The following HCFC2 variants were observed in gnomAD, a reference collection of about 807,000 sequenced individuals.
The protein encoded by HCFC2 is host cell factor C2.
HCFC2 carries 18 observed loss-of-function variants against 89.2 expected under a neutral mutation model. That is an observed-to-expected ratio of 0.20 (90% CI 0.14 to 0.30). The LOEUF is 0.30. Among genes scored for constraint, HCFC2 ranks in the 10% least tolerant of loss-of-function variants. The pLI is 1.00. For synonymous variants in HCFC2, 308 were observed against 335.7 expected (o/e 0.92, Z 0.90); for missense variants, 578 against 956.1 (o/e 0.60, Z 5.21).
chr12:104,096,325 T>A (rs775257384), intron 11 of HCFC2, 35 bp from the exon 12 acceptor site: 16 of 1,427,580 alleles, frequency 1.1e-5, no homozygotes, highest in Non-Finnish European at 1.5e-5. Flanking sequence ...TGATAAGTTA[T>A]GTAAATCTTA....
chr12:104,087,409 ACG>A (rs1491252288), intron 8 of HCFC2, among the ~76,000 whole-genome samples: 13 of 52,226 alleles, frequency 2.5e-4, no homozygotes, highest in South Asian at 9.7e-4. Flanking sequence ...ATACTGCAGT[ACG>A]TGTGTGTGTG....
chr12:104,073,809 CT>C (rs1168926715), intron 3 of HCFC2, among the ~76,000 whole-genome samples: 2 of 152,328 alleles, frequency 1.3e-5, no homozygotes, highest in South Asian at 4.1e-4. Flanking sequence ...TCTCTCTAGG[CT>C]TTCTATACCA....
intron 1 of HCFC2, chr12:104,065,042 C>A: frequency 3.8e-6 from 1 of 264,482 alleles, no homozygotes; most frequent in Non-Finnish European, 7.1e-6. Context: ...CCGCCTGGGC[C>A]ACTCCCCGAA....
At chr12:104,091,902 A>T (rs1884032886) in intron 9 of HCFC2, among the ~76,000 whole-genome samples, 1 of 152,236 alleles carries the variant, frequency 6.6e-6, no homozygotes, top group Non-Finnish European at 1.5e-5. Flanking sequence ...AATGCCTGGC[A>T]TAGTTGTGGC....
intron 13 of HCFC2, among the ~76,000 whole-genome samples, chr12:104,099,215 A>C (rs1884267877): frequency 6.6e-6 from 1 of 152,014 alleles, no homozygotes; most frequent in Non-Finnish European, 1.5e-5. Context: ...AAACAACCAG[A>C]TCTCATGAGA....
intron 13 of HCFC2, among the ~76,000 whole-genome samples, chr12:104,099,788 C>T (rs2029881863): frequency 6.6e-6 from 1 of 152,134 alleles, no homozygotes; most frequent in Non-Finnish European, 1.5e-5. Flanking sequence ...ACCTTGGCTT[C>T]CTGAGTAGCT....
rs1438442231 is a variant in HCFC2 at position 104,079,582 on chromosome 12, G to C, written c.611G>C (p.Gly204Ala). The C allele has an allele frequency of 1.2e-6, 2 of 1,614,032 alleles. No individual in the cohort carries two copies. The highest frequency in any genetic ancestry group is 1.7e-6 in the Non-Finnish European group (2 of 1,180,018). Residue 204 changes from glycine (G) to alanine (A), a missense_variant, in exon 4 of 15, where the codon GGA (glycine) becomes GCA (alanine). Gly to Ala is a moderately conservative substitution (Grantham distance 60). Transcript: ENST00000229330. ...GTTATATATTGCAAAAAAGATTCTG[G>C]AAGTCCTAAAATGTATGTTTTTGGT... ...TAVIYCKKDS[G>A]SPKMYVFGGM...
rs11111890 is a variant in HCFC2 at position 104,087,652 on chromosome 12, T to C, written c.1232-334T>C. Among the ~76,000 whole-genome samples, 136 of 151,946 alleles carry C rather than the reference T, an allele frequency of 9.0e-4. 3 individuals are homozygous for C. In the East Asian group the frequency reaches 0.021, roughly 24 times the overall value. The stretch of plus-strand genomic sequence containing the variant: ...TAGTAGAACACATAGACACGTAGGA[T>C]AGATTGTGTTTTCTGCAGTTCATTT... On this transcript the variant is annotated intron_variant, in intron 8 of 14. Transcript: ENST00000229330.
chr12:104,098,321 A>T (rs1201579805), intron 12 of HCFC2, 22 bp from the exon 13 acceptor site: 15 of 1,569,342 alleles, frequency 9.6e-6, no homozygotes, highest in African/African-American at 1.4e-5. Flanking sequence ...GTCTTCATAA[A>T]TTTTTTTTTC....
chr12:104,069,871 C>G (rs1883266932), intron 3 of HCFC2, among the ~76,000 whole-genome samples: 1 of 151,944 alleles, frequency 6.6e-6, no homozygotes, highest in Non-Finnish European at 1.5e-5. Context: ...CCCGATATGC[C>G]CTGGTGTGTG....
chr12:104,096,582 T>C (rs1054137536), intron 12 of HCFC2, 149 bp downstream of exon 12: 9 of 553,622 alleles, frequency 1.6e-5, no homozygotes, highest in Admixed American at 1.2e-4. Flanking sequence ...AATAGGAAAA[T>C]GTTCACAGTA....
chr12:104,064,702 G>T lies in HCFC2; in HGVS notation c.142G>T (p.Glu48Ter). ...FGGGNEGIADELHVYNTATNQ... is the reference protein window; with the variant it reads ...FGGGNEGIAD ...AGGGGGAAATGAGGGCATCGCGGAT[G>T]AGCTGCACGTCTACAACACGGGTAG... Residue 48 changes from glutamate (E) to a stop codon, truncating the protein, a stop_gained, in exon 1 of 15, where the codon GAG becomes TAG. Coordinates refer to ENST00000229330, the MANE Select transcript of HCFC2 (RefSeq NM_013320.3). LOFTEE classifies it high-confidence loss of function. The surrounding 1 kb of genome is among the most constrained non-coding windows in gnomAD (Gnocchi z 7.3). 1 of 1,569,518 alleles carries T rather than the reference G, an allele frequency of 6.4e-7. No homozygotes were observed. The highest frequency in any genetic ancestry group is 8.6e-7 in the Non-Finnish European group (1 of 1,160,206).
intron 5 of HCFC2, among the ~76,000 whole-genome samples, chr12:104,081,109 C>G (rs1859427876): frequency 6.6e-6 from 1 of 152,178 alleles, no homozygotes; most frequent in South Asian, 2.1e-4. Context: ...AACTAATCAC[C>G]TAACTCACTT....
rs1457318682 is a variant in HCFC2, at chr12:104,082,749, A to G, written c.911A>G (p.Gln304Arg). Residue 304 changes from glutamine to arginine, a missense_variant, in exon 7 of 15, where the codon CAG becomes CGG. This residue lies in a region of HCFC2 where 206 missense variants were observed against 419.2 expected (regional missense o/e 0.49). Coordinates refer to ENST00000229330, the MANE Select transcript of HCFC2 (RefSeq NM_013320.3). ...TEWTTLVSDS[Q>R]EDKKNSRPRP... is the part of the protein sequence containing the mutation. ...TGGACCACCCTAGTATCAGATTCTCAGGAAGATAAAAAAAATTCAAGACCA... is the reference window on the plus strand; with the variant it reads ...TGGACCACCCTAGTATCAGATTCTCGGGAAGATAAAAAAAATTCAAGACCA... 1 of 1,613,388 alleles carries G rather than the reference A, an allele frequency of 6.2e-7. No individual in the cohort carries two copies.
Position 104,064,984 on chromosome 12 carries a change from C to A in HCFC2, c.163+261C>A. 1 of 363,880 alleles carries A rather than the reference C, an allele frequency of 2.7e-6. No homozygotes were observed. The highest frequency in any genetic ancestry group is 4.9e-6 in the Non-Finnish European group (1 of 204,338). The allele number at this position is 363,880 out of a possible 1,614,324, so 22.5% of individuals were successfully genotyped here. A position where few individuals can be genotyped will look rare whatever the true frequency, so the allele number is the denominator to read the frequency against. Reference sequence around the variant, plus strand: ...TTCAGGCGGGGGATCCCGGACGCCCCCACCCCAGCCCGACAGGCGGACGCA... The same window carrying A: ...TTCAGGCGGGGGATCCCGGACGCCCACACCCCAGCCCGACAGGCGGACGCA... On this transcript the variant is annotated intron_variant, in intron 1 of 14. Transcript: ENST00000229330. The surrounding 1 kb of genome is among the most constrained non-coding windows in gnomAD (Gnocchi z 7.3).
intron 3 of HCFC2, among the ~76,000 whole-genome samples, chr12:104,077,555 T>G (rs1369459528): frequency 2.0e-5 from 3 of 151,690 alleles, no homozygotes; most frequent in South Asian, 2.1e-4. Flanking sequence ...GGCCTGTTTT[T>G]TTTTTTTTTT....
chr12:104,081,056 G>A (rs1883667772), intron 5 of HCFC2, among the ~76,000 whole-genome samples: 2 of 152,138 alleles, frequency 1.3e-5, no homozygotes, highest in Non-Finnish European at 2.9e-5. Context: ...ATAATGCCCT[G>A]CCCAGTGTAG....
At chr12:104,085,157 A>T (rs574122032) in intron 7 of HCFC2, among the ~76,000 whole-genome samples, 3 of 152,350 alleles carry the variant, frequency 2.0e-5, no homozygotes, top group African/African-American at 7.2e-5. Context: ...CCAAAGCATT[A>T]TCTGAGAGCT....
At chr12:104,081,784 A>G (rs768506737) in intron 5 of HCFC2, among the ~76,000 whole-genome samples, 1 of 152,130 alleles carries the variant, frequency 6.6e-6, no homozygotes, top group South Asian at 2.1e-4. Flanking sequence ...TCATGCCTAT[A>G]ATCCCAGCAC....
Sources: allele counts gnomAD v4.1 joint callset (sites outside exome capture counted in the v4.1 genomes callset), GRCh38; gene constraint gnomAD v4.1.1; regional missense constraint gnomAD v4.1.1; non-coding constraint Gnocchi (gnomAD v3.1); transcripts MANE v1.5; gene names NCBI Gene and HGNC (gene_info 2026-07-23, HGNC 2026-07-21).